Variants in SDK1 observed in about 807,000 individuals in gnomAD.
SDK1 encodes the protein sidekick cell adhesion molecule 1, also known as protein sidekick-1.
SDK1 carries 157 observed loss-of-function variants against 245.5 expected under a neutral mutation model. That is an observed-to-expected ratio of 0.64 (90% CI 0.56 to 0.73). SDK1 has a LOEUF of 0.73. Ranked by LOEUF, SDK1 falls within the 30% of genes least tolerant of loss-of-function variation. The pLI is 0.00. For missense variants in SDK1, 3,583 were observed against 3,002.3 expected (o/e 1.19, Z -4.52); for synonymous variants, 1,647 against 1,278.5 (o/e 1.29, Z -6.15).
chr7:4,025,553 C>T (rs938059478), intron 17 of SDK1, among the ~76,000 whole-genome samples: 1 of 152,300 alleles, frequency 6.6e-6, no homozygotes, highest in Admixed American at 6.5e-5. Context: ...CTGTGAGCAT[C>T]ACCTTATTTT....
chr7:3,330,406 C>A (rs4349886), intron 1 of SDK1, among the ~76,000 whole-genome samples: 1 of 151,938 alleles, frequency 6.6e-6, no homozygotes, highest in Admixed American at 6.5e-5. Flanking sequence ...GGAAACTTCA[C>A]CCTCAAATTC....
intron 4 of SDK1, among the ~76,000 whole-genome samples, chr7:3,785,099 G>A (rs1187720367): frequency 1.3e-5 from 2 of 152,144 alleles, no homozygotes; most frequent in Non-Finnish European, 2.9e-5. Flanking sequence ...AAAGAAGCCA[G>A]GCACAGAAAG....
intron 2 of SDK1, among the ~76,000 whole-genome samples, chr7:3,620,605 A>T (rs561268438): frequency 4.1e-4 from 63 of 152,102 alleles, no homozygotes; most frequent in African/African-American, 1.5e-3. Context: ...ATATTTTTTT[A>T]TTAGCTGCCA....
rs909717439 is a variant in SDK1 at position 4,266,816 on chromosome 7, C to G, written c.*1432C>G. 1 of 985,416 alleles carries G rather than the reference C, an allele frequency of 1.0e-6. No individual in the cohort carries two copies. Among genetic ancestry groups the G allele is most frequent in the African/African-American group, 1.7e-5 (1 of 57,236 alleles). 61.0% of individuals were successfully genotyped at this position (985,416 alleles called of 1,614,324 possible). A position where few individuals can be genotyped will look rare whatever the true frequency, so the allele number is the denominator to read the frequency against. ...TGCCCCGGGTCCCTGTAAGTGCCCC[C>G]TCACCAGCAGCAGCGTGACACACAC... On this transcript the variant is annotated 3_prime_UTR_variant, in exon 45 of 45. Coordinates refer to ENST00000404826, the MANE Select transcript of SDK1 (RefSeq NM_152744.4).
intron 14 of SDK1, among the ~76,000 whole-genome samples, chr7:3,991,771 G>A (rs1008638336): frequency 1.3e-5 from 2 of 152,198 alleles, no homozygotes; most frequent in African/African-American, 4.8e-5. Context: ...AAGGAAGCCC[G>A]TGACCTTGGC....
At chr7:3,591,071 T>G (rs922559120) in intron 1 of SDK1, among the ~76,000 whole-genome samples, 2 of 152,222 alleles carry the variant, frequency 1.3e-5, no homozygotes, top group African/African-American at 4.8e-5. Flanking sequence ...ATGATAATCA[T>G]TCTTTAATCA....
At chr7:3,817,622 G>C (rs1235875051) in intron 4 of SDK1, among the ~76,000 whole-genome samples, 1 of 152,130 alleles carries the variant, frequency 6.6e-6, no homozygotes, top group Non-Finnish European at 1.5e-5. Flanking sequence ...GTCTGGGGAA[G>C]GCCACAACCC....
intron 17 of SDK1, among the ~76,000 whole-genome samples, chr7:4,046,751 C>T (rs966510198): frequency 3.3e-5 from 5 of 151,870 alleles, no homozygotes; most frequent in East Asian, 1.9e-4. Context: ...TTTGGCTATT[C>T]TAGTTACCTT....
chr7:3,974,229 C>G, intron 12 of SDK1, 140 bp from the exon 13 acceptor site: 1 of 518,726 alleles, frequency 1.9e-6, no homozygotes, highest in Non-Finnish European at 3.3e-6. Context: ...AGAAAAATCA[C>G]TCTTTTAAAG....
At chr7:3,835,990 C>T (rs1315952973) in intron 5 of SDK1, among the ~76,000 whole-genome samples, 1 of 152,166 alleles carries the variant, frequency 6.6e-6, no homozygotes, top group Non-Finnish European at 1.5e-5. Flanking sequence ...TTCACAATAG[C>T]TCTTATTTAT....
rs913825116 is a variant in SDK1, at chr7:4,260,863, C to T, written c.6382-4261C>T. Among the ~76,000 whole-genome samples the T allele has an allele frequency of 7.2e-5, 11 of 151,888 alleles. No individual in the cohort carries two copies. In the East Asian group the frequency reaches 2.1e-3, roughly 29 times the overall value. The stretch of plus-strand genomic sequence containing the variant: ...ATGTGTGGGAGGATGTGTTCATCGT[C>T]ACCTGATGGAGAAGCTGGCTGCTCC... On this transcript the variant is annotated intron_variant, in intron 44 of 44. Transcript: ENST00000404826.
chr7:3,514,891 CTCTT>C (rs1782692575), intron 1 of SDK1, among the ~76,000 whole-genome samples: 1 of 152,216 alleles, frequency 6.6e-6, no homozygotes, highest in Non-Finnish European at 1.5e-5. Flanking sequence ...CGCTCTCTCT[CTCTT>C]TCTCTCTTTC....
chr7:3,413,186 G>C lies in SDK1; in HGVS notation c.298+111302G>C, dbSNP rs551121162. On this transcript the variant is annotated intron_variant, in intron 1 of 44. Coordinates refer to ENST00000404826, the MANE Select transcript of SDK1 (RefSeq NM_152744.4). ...TGGAAATCTTGGGTGGCAGTAGCAG[G>C]AACAACAACTGCGAAGATCTTGAGC... Among the ~76,000 whole-genome samples the C allele has an allele frequency of 1.3e-5, 2 of 152,254 alleles. 1 individual carries two copies. The highest frequency in any genetic ancestry group is 4.2e-4 in the South Asian group (2 of 4,818).
chr7:3,437,832 G>A (rs983000901), intron 1 of SDK1, among the ~76,000 whole-genome samples: 11 of 152,168 alleles, frequency 7.2e-5, no homozygotes, highest in Non-Finnish European at 1.6e-4. Flanking sequence ...GGAAGCTTTG[G>A]CTGAATAGAA....
chr7:3,566,709 G>C, intron 1 of SDK1, among the ~76,000 whole-genome samples: 1 of 116,464 alleles, frequency 8.6e-6, no homozygotes, highest in East Asian at 2.5e-4. Context: ...AGAACTGCAA[G>C]AAACTACTGC....
chr7:3,419,394 G>A (rs928800006), intron 1 of SDK1, among the ~76,000 whole-genome samples: 2 of 152,020 alleles, frequency 1.3e-5, no homozygotes, highest in Non-Finnish European at 2.9e-5. Flanking sequence ...CTGCCCTTTT[G>A]CTCATGTTCT....
At chr7:3,452,405 T>G (rs540023778) in intron 1 of SDK1, among the ~76,000 whole-genome samples, 2 of 152,292 alleles carry the variant, frequency 1.3e-5, no homozygotes, top group Non-Finnish European at 2.9e-5. Flanking sequence ...AAAACAGATA[T>G]ACTAATTTGC....
intron 4 of SDK1, among the ~76,000 whole-genome samples, chr7:3,662,334 C>T (rs1258152000): frequency 6.6e-6 from 1 of 152,122 alleles, no homozygotes; most frequent in Non-Finnish European, 1.5e-5. Context: ...TCTGGTTACA[C>T]AAAAGATGGA....
chr7:3,950,026 A>G (rs1258249546), intron 5 of SDK1, among the ~76,000 whole-genome samples: 2 of 152,268 alleles, frequency 1.3e-5, no homozygotes, highest in Non-Finnish European at 2.9e-5. Flanking sequence ...TAGCAGGTAG[A>G]CTAGGTAACT....
Sources: allele counts gnomAD v4.1 joint callset (sites outside exome capture counted in the v4.1 genomes callset), GRCh38; gene constraint gnomAD v4.1.1; transcripts MANE v1.5; gene names NCBI Gene and HGNC (gene_info 2026-07-23, HGNC 2026-07-21).